Variants in TTC28 observed in about 807,000 individuals in gnomAD.
TTC28 encodes tetratricopeptide repeat protein 28.
In TTC28, 61 loss-of-function variants were observed where a neutral mutation model predicts 198.0. The ratio of observed to expected loss-of-function variants is 0.31; its 90% CI spans 0.25 to 0.38. The LOEUF (loss-of-function observed/expected upper bound fraction) is 0.38. Among genes scored for constraint, TTC28 ranks in the 10% least tolerant of loss-of-function variants. TTC28 has a pLI of 1.00. For synonymous variants in TTC28, 1,171 were observed against 1,297.8 expected (o/e 0.90, Z 2.10); for missense variants, 2,678 against 3,164.0 (o/e 0.85, Z 3.69).
chr22:28,181,562 T>C (rs1400469476), intron 5 of TTC28, among the ~76,000 whole-genome samples: 1 of 152,216 alleles, frequency 6.6e-6, no homozygotes, highest in Admixed American at 6.5e-5. Flanking sequence ...CAATGTAAAC[T>C]TGATGCAATA....
chr22:28,286,919 ATGTT>A (rs2044696502), intron 5 of TTC28, among the ~76,000 whole-genome samples: 1 of 152,166 alleles, frequency 6.6e-6, no homozygotes, highest in Non-Finnish European at 1.5e-5. Flanking sequence ...TGGAAAAACC[ATGTT>A]TATGGAATAT....
At chr22:28,401,491 C>T (rs2046908505) in intron 2 of TTC28, among the ~76,000 whole-genome samples, 1 of 152,112 alleles carries the variant, frequency 6.6e-6, no homozygotes, top group South Asian at 2.1e-4. Context: ...TGGTGCCTGC[C>T]TGTAATTCCA....
rs543229794 is a variant in TTC28, at chr22:28,586,018, T to C, written c.381+43534A>G. ...AGAAGAAGCCGGGTGCGGTGGCTCA[T>C]GCCTGTAATCCCAGCACTTTGGGAG... On this transcript the variant is annotated intron_variant, in intron 2 of 22. Coordinates refer to ENST00000397906, the MANE Select transcript of TTC28 (RefSeq NM_001145418.2). Among the ~76,000 whole-genome samples, 191 of 151,388 alleles carry C rather than the reference T, an allele frequency of 1.3e-3. 1 individual carries two copies. The highest frequency in any genetic ancestry group is 4.1e-3 in the African/African-American group (169 of 41,320).
At chr22:28,152,379 C>A (rs1943630086) in intron 6 of TTC28, among the ~76,000 whole-genome samples, 1 of 152,100 alleles carries the variant, frequency 6.6e-6, no homozygotes, top group South Asian at 2.1e-4. Context: ...CGTCTTTGGC[C>A]TTTAGCCCTA....
chr22:28,610,498 CCTGA>C (rs773893187), intron 2 of TTC28, among the ~76,000 whole-genome samples: 1 of 152,034 alleles, frequency 6.6e-6, no homozygotes, highest in African/African-American at 2.4e-5. Flanking sequence ...AGCAGAGGGG[CCTGA>C]CTGTTAGAAG....
At chr22:28,599,048 C>T (rs571020192) in intron 2 of TTC28, among the ~76,000 whole-genome samples, 199 of 152,156 alleles carry the variant, frequency 1.3e-3, no homozygotes, top group African/African-American at 4.1e-3. Flanking sequence ...CTTCTCTGTG[C>T]GCTATATAGT....
intron 12 of TTC28, among the ~76,000 whole-genome samples, chr22:28,037,363 A>G (rs1939405297): frequency 6.6e-6 from 1 of 152,236 alleles, no homozygotes; most frequent in African/African-American, 2.4e-5. Flanking sequence ...CTGGTTCAAC[A>G]TACGAAAATC....
intron 2 of TTC28, among the ~76,000 whole-genome samples, chr22:28,598,467 C>T (rs531388755): frequency 3.2e-4 from 46 of 144,766 alleles, no homozygotes; most frequent in Non-Finnish European, 6.0e-4. Flanking sequence ...TGAGATCGCG[C>T]CACTGCACTC....
intron 6 of TTC28, among the ~76,000 whole-genome samples, chr22:28,127,632 A>G (rs1942951384): frequency 6.6e-6 from 1 of 152,236 alleles, no homozygotes; most frequent in African/African-American, 2.4e-5. Flanking sequence ...ACATGGTGAA[A>G]TAATATTTTT....
chr22:28,318,771 A>G (rs1008777110), intron 2 of TTC28, among the ~76,000 whole-genome samples: 1 of 149,558 alleles, frequency 6.7e-6, no homozygotes, highest in Non-Finnish European at 1.5e-5. Context: ...GAAAGATCAT[A>G]TAACATGGGA....
intron 2 of TTC28, among the ~76,000 whole-genome samples, chr22:28,609,617 G>C (rs1331026843): frequency 6.6e-6 from 1 of 152,112 alleles, no homozygotes; most frequent in Non-Finnish European, 1.5e-5. Flanking sequence ...TGCCACCAGG[G>C]CCCTGGGTTT....
chr22:28,450,507 A>C (rs1176963875), intron 2 of TTC28, among the ~76,000 whole-genome samples: 1 of 152,188 alleles, frequency 6.6e-6, no homozygotes, highest in Non-Finnish European at 1.5e-5. Context: ...TTGAGATTAA[A>C]TTATATATGT....
intron 2 of TTC28, among the ~76,000 whole-genome samples, chr22:28,394,760 G>A (rs2046787838): frequency 6.6e-6 from 1 of 152,114 alleles, no homozygotes; most frequent in South Asian, 2.1e-4. Context: ...CTCTTGCTTT[G>A]TTTTCATGAA....
chr22:28,554,487 T>C lies in TTC28; in HGVS notation c.381+75065A>G, dbSNP rs190338143. ...GACACTGGCTTAGGCAAACACTTCA[T>C]GACCAAGAACCCAAACACAAATGCA... On this transcript the variant is annotated intron_variant, in intron 2 of 22. Transcript: ENST00000397906. Among the ~76,000 whole-genome samples the C allele has an allele frequency of 2.4e-3, 358 of 151,926 alleles. 2 individuals are homozygous for C. Among genetic ancestry groups the C allele is most frequent in the Non-Finnish European group, 5.4e-4 (37 of 67,986 alleles).
At chr22:28,430,907 GC>G (rs2047420549) in intron 2 of TTC28, among the ~76,000 whole-genome samples, 1 of 147,734 alleles carries the variant, frequency 6.8e-6, no homozygotes, top group Non-Finnish European at 1.5e-5. Flanking sequence ...AAAAAAACAT[GC>G]CCAGAGCTTG....
At chr22:28,177,324 G>A (rs1923260107) in intron 5 of TTC28, among the ~76,000 whole-genome samples, 1 of 152,160 alleles carries the variant, frequency 6.6e-6, no homozygotes, top group Non-Finnish European at 1.5e-5. Flanking sequence ...ATACGTATTA[G>A]AACAGCTAAA....
At chr22:28,346,992 G>C (rs2045912308) in intron 2 of TTC28, among the ~76,000 whole-genome samples, 1 of 152,192 alleles carries the variant, frequency 6.6e-6, no homozygotes, top group Non-Finnish European at 1.5e-5. Context: ...GCCGGGTGCG[G>C]TGGCTCATGC....
At chr22:28,220,581 A>G (rs1186071677) in intron 5 of TTC28, among the ~76,000 whole-genome samples, 1 of 152,240 alleles carries the variant, frequency 6.6e-6, no homozygotes, top group Admixed American at 6.5e-5. Context: ...GTTCTTTGCC[A>G]CATGGGGTTC....
chr22:28,425,948 C>T (rs766062660), intron 2 of TTC28, among the ~76,000 whole-genome samples: 1 of 152,170 alleles, frequency 6.6e-6, no homozygotes, highest in Non-Finnish European at 1.5e-5. Flanking sequence ...CGGTGGCTCA[C>T]GCCCGTAACC....
Sources: allele counts gnomAD v4.1 joint callset (sites outside exome capture counted in the v4.1 genomes callset), GRCh38; gene constraint gnomAD v4.1.1; transcripts MANE v1.5; gene names NCBI Gene and HGNC (gene_info 2026-07-23, HGNC 2026-07-21).